Variants in ESRRG observed in about 807,000 individuals in gnomAD.
The protein encoded by ESRRG is estrogen related receptor gamma.
Under a neutral mutation model 44.0 loss-of-function variants are expected in ESRRG, and 13 were observed. That is an observed-to-expected ratio of 0.30 (90% confidence interval 0.19 to 0.47). ESRRG has a LOEUF of 0.47. Among genes scored for constraint, ESRRG ranks in the 20% least tolerant of loss-of-function variants. ESRRG has a pLI of 1.00. For synonymous variants in ESRRG, 215 were observed against 214.6 expected, an observed-to-expected ratio of 1.00 and a Z score of -0.02; for missense variants, 395 against 580.6, an observed-to-expected ratio of 0.68 and a Z score of 3.29.
intron 1 of ESRRG, among the ~76,000 whole-genome samples, chr1:217,064,160 T>C (rs2151383030): frequency 6.6e-6 from 1 of 150,436 alleles, no homozygotes; most frequent in East Asian, 1.9e-4. Flanking sequence ...TGCATGTATA[T>C]ATACACGTTG....
intron 6 of ESRRG, 115 bp from the exon 7 acceptor site, chr1:216,507,298 A>G (rs1450345232): frequency 1.5e-6 from 1 of 667,978 alleles, no homozygotes; most frequent in Non-Finnish European, 2.4e-6. Context: ...CTGAGCTTGA[A>G]CCTATGATTT....
At chr1:216,853,824 C>A (rs1184936777) in intron 2 of ESRRG, among the ~76,000 whole-genome samples, 1 of 152,170 alleles carries the variant, frequency 6.6e-6, no homozygotes. Flanking sequence ...ATAATAATTT[C>A]TTGGTGAAAT....
At chr1:216,700,114 A>G (rs1575486579) in intron 1 of ESRRG, among the ~76,000 whole-genome samples, 1 of 94,314 alleles carries the variant, frequency 1.1e-5, no homozygotes, top group East Asian at 3.4e-4. Context: ...TACTCCCCGC[A>G]GCCCCGCACC....
intron 2 of ESRRG, among the ~76,000 whole-genome samples, chr1:216,728,912 G>C (rs2088134387): frequency 6.6e-6 from 1 of 152,016 alleles, no homozygotes; most frequent in Non-Finnish European, 1.5e-5. Flanking sequence ...TTTTATAAAT[G>C]ACTATGTTTG....
At chr1:216,630,000 T>C (rs2063852349) in intron 3 of ESRRG, among the ~76,000 whole-genome samples, 1 of 152,134 alleles carries the variant, frequency 6.6e-6, no homozygotes, top group Non-Finnish European at 1.5e-5. Context: ...GCCAACTCCC[T>C]CTCCACAAAT....
chr1:216,709,544 GC>G (rs1182829611), intron 1 of ESRRG, among the ~76,000 whole-genome samples: 3 of 151,912 alleles, frequency 2.0e-5, no homozygotes, highest in East Asian at 1.9e-4. Context: ...ACTTTTAAAT[GC>G]CCCCCTTCTT....
intron 1 of ESRRG, among the ~76,000 whole-genome samples, chr1:217,063,542 AG>A (rs1053124008): frequency 2.6e-5 from 4 of 152,196 alleles, no homozygotes; most frequent in Non-Finnish European, 4.4e-5. Flanking sequence ...ACCATAAAAA[AG>A]GGCTGCTTAT....
intron 2 of ESRRG, among the ~76,000 whole-genome samples, chr1:216,933,355 T>C (rs758353170): frequency 3.3e-5 from 5 of 152,174 alleles, no homozygotes; most frequent in Non-Finnish European, 7.3e-5. Context: ...AGTTTTTCAC[T>C]TAGGCTTTCT....
chr1:216,584,074 C>T (rs752500030), intron 3 of ESRRG, among the ~76,000 whole-genome samples: 25 of 152,098 alleles, frequency 1.6e-4, no homozygotes, highest in Non-Finnish European at 7.4e-5. Flanking sequence ...TTAATATATG[C>T]TTTGACATGA....
intron 2 of ESRRG, among the ~76,000 whole-genome samples, chr1:216,932,157 T>C (rs965344507): frequency 5.3e-5 from 8 of 152,118 alleles, no homozygotes; most frequent in African/African-American, 1.9e-4. Flanking sequence ...TGAGCTGAGA[T>C]TGTACCACTG....
At chr1:217,024,020 G>C (rs1413951332) in intron 1 of ESRRG, among the ~76,000 whole-genome samples, 6 of 152,198 alleles carry the variant, frequency 3.9e-5, no homozygotes, top group South Asian at 2.1e-4. Flanking sequence ...AAATGGTTTT[G>C]TGATTAACAG....
chr1:216,772,884 T>G (rs2152399864), intron 2 of ESRRG, among the ~76,000 whole-genome samples: 1 of 152,100 alleles, frequency 6.6e-6, no homozygotes, highest in East Asian at 1.9e-4. Context: ...TATTTGGTGT[T>G]TCCAAAAGGA....
At chr1:216,795,461 C>T (rs2094447518) in intron 2 of ESRRG, among the ~76,000 whole-genome samples, 1 of 150,518 alleles carries the variant, frequency 6.6e-6, no homozygotes, top group Non-Finnish European at 1.5e-5. Flanking sequence ...CTGCCTCAGC[C>T]TCCCGAGTAA....
At chr1:216,776,633 T>C (rs1375951136) in intron 2 of ESRRG, among the ~76,000 whole-genome samples, 5 of 152,178 alleles carry the variant, frequency 3.3e-5, no homozygotes, top group Non-Finnish European at 4.4e-5. Flanking sequence ...TATTACAGTA[T>C]GTTGGCATGG....
intron 2 of ESRRG, chr1:216,862,746 T>A (rs1382850622): frequency 2.6e-5 from 4 of 151,986 alleles, no homozygotes; most frequent in Non-Finnish European, 5.9e-5. Flanking sequence ...GGGAAGTAGG[T>A]CAGTAAAGGG....
chr1:216,611,650 A>C (rs893410548), intron 3 of ESRRG, among the ~76,000 whole-genome samples: 8 of 152,054 alleles, frequency 5.3e-5, no homozygotes, highest in African/African-American at 1.9e-4. Context: ...CAGTGAGAGG[A>C]GGAGGTGAGA....
chr1:217,060,793 T>C (rs372046908), intron 1 of ESRRG, among the ~76,000 whole-genome samples: 1 of 44,948 alleles, frequency 2.2e-5, no homozygotes, highest in Admixed American at 2.1e-4. Flanking sequence ...GAACACTAGA[T>C]AGATAGATAG....
At chr1:216,861,850 G>A (rs2096060019) in intron 2 of ESRRG, among the ~76,000 whole-genome samples, 1 of 151,756 alleles carries the variant, frequency 6.6e-6, no homozygotes, top group African/African-American at 2.4e-5. Context: ...TCAATAACAA[G>A]AAAACAAAAA....
chr1:216,561,043 T>C (rs2058630275), intron 5 of ESRRG, among the ~76,000 whole-genome samples: 1 of 152,174 alleles, frequency 6.6e-6, no homozygotes, highest in Non-Finnish European at 1.5e-5. Context: ...TGATCTTTTT[T>C]TCTTCTAGAG....
Sources: gnomAD v4.1 joint callset for allele counts (sites outside exome capture counted in the v4.1 genomes callset) on GRCh38, gnomAD v4.1.1 for gene constraint, MANE v1.5 for transcripts, NCBI Gene and HGNC (gene_info 2026-07-23, HGNC 2026-07-21) for gene names.